The following ZFAND3 variants were observed in gnomAD, a reference collection of about 807,000 sequenced individuals.
ZFAND3 encodes the protein AN1-type zinc finger protein 3.
Under a neutral mutation model 29.6 loss-of-function variants are expected in ZFAND3, and 10 were observed. The observed-to-expected ratio is 0.34, with a 90% CI of 0.21 to 0.57. The LOEUF is 0.57. Ranked by LOEUF, ZFAND3 falls within the 20% of genes least tolerant of loss-of-function variation. ZFAND3 has a pLI of 0.86. For missense variants in ZFAND3, 230 were observed against 304.5 expected (o/e 0.76, Z 1.82); for synonymous variants, 128 against 112.6 (o/e 1.14, Z -0.87).
intron 1 of ZFAND3, among the ~76,000 whole-genome samples, chr6:37,842,168 C>A (rs1214744783): frequency 2.0e-5 from 3 of 152,200 alleles, no homozygotes; most frequent in Middle Eastern, 6.8e-3. Flanking sequence ...ATTCGGTATT[C>A]GGTTCCAACA....
At chr6:38,070,963 A>T (rs1002151578) in intron 3 of ZFAND3, among the ~76,000 whole-genome samples, 1 of 151,746 alleles carries the variant, frequency 6.6e-6, no homozygotes, top group Non-Finnish European at 1.5e-5. Context: ...TTATGTGTTT[A>T]TTAGCAATTT....
chr6:37,913,508 T>C (rs1023431189), intron 1 of ZFAND3, among the ~76,000 whole-genome samples: 2 of 152,108 alleles, frequency 1.3e-5, no homozygotes, highest in Non-Finnish European at 2.9e-5. Flanking sequence ...TCTACAGTTA[T>C]TTCCTTCACT....
intron 2 of ZFAND3, among the ~76,000 whole-genome samples, chr6:38,046,943 G>T (rs1475589287): frequency 1.3e-5 from 2 of 151,912 alleles, no homozygotes; most frequent in African/African-American, 4.8e-5. Flanking sequence ...AGCCCACATT[G>T]TCTAGTAATC....
At chr6:38,116,441 C>G in intron 4 of ZFAND3, 131 bp from the exon 5 acceptor site, 1 of 1,050,410 alleles carries the variant, frequency 9.5e-7, no homozygotes, top group Non-Finnish European at 1.4e-6. Flanking sequence ...CAAGTCAGAA[C>G]TGGCTCTCAC....
intron 1 of ZFAND3, among the ~76,000 whole-genome samples, chr6:37,860,672 T>G (rs1213912452): frequency 6.7e-6 from 1 of 150,230 alleles, no homozygotes. Flanking sequence ...AGGTTTAGAT[T>G]TTAGTTAACA....
intron 2 of ZFAND3, among the ~76,000 whole-genome samples, chr6:37,971,831 GAAAA>G (rs5875604): frequency 8.5e-5 from 10 of 117,884 alleles, no homozygotes; most frequent in Non-Finnish European, 1.4e-4. Context: ...TGTACAAAAT[GAAAA>G]AAAAAAAAAA....
At chr6:37,993,803 G>A (rs1283246753) in intron 2 of ZFAND3, among the ~76,000 whole-genome samples, 1 of 151,804 alleles carries the variant, frequency 6.6e-6, no homozygotes, top group African/African-American at 2.4e-5. Context: ...GATCAAAATT[G>A]TCACGTGATA....
In ZFAND3 at chr6:38,090,980, A is replaced by C. The variant is rs1764856442; in HGVS notation, c.361+8523A>C. 3.3e-5 allele frequency among the ~76,000 whole-genome samples: 5 copies of C among 152,304 alleles called. No individual in the cohort carries two copies. The South Asian group carries it at 8.3e-4, about 25-fold the overall frequency. On this transcript the variant is annotated intron_variant, in intron 4 of 5. Transcript: ENST00000287218. ...ATAATGTGTCAGTTTGCTATACTTA[A>C]AGTCAAAAACTTGTATCCAAGGCCT...
chr6:37,934,103 G>T (rs1761649724), intron 2 of ZFAND3, among the ~76,000 whole-genome samples: 2 of 151,626 alleles, frequency 1.3e-5, no homozygotes, highest in African/African-American at 4.8e-5. Flanking sequence ...GGTCACAGTG[G>T]CCTTGAACTC....
At chr6:38,120,521 T>C (rs1581935098) in intron 5 of ZFAND3, among the ~76,000 whole-genome samples, 1 of 151,878 alleles carries the variant, frequency 6.6e-6, no homozygotes, top group East Asian at 1.9e-4. Context: ...AGACAGGGAT[T>C]CATCATGTTG....
intron 2 of ZFAND3, among the ~76,000 whole-genome samples, chr6:37,992,655 T>C (rs1762778879): frequency 6.6e-6 from 1 of 152,156 alleles, no homozygotes; most frequent in Non-Finnish European, 1.5e-5. Flanking sequence ...AAGAAAAATA[T>C]CAATAATTCC....
intron 4 of ZFAND3, among the ~76,000 whole-genome samples, chr6:38,098,284 C>G (rs946801774): frequency 2.0e-5 from 3 of 152,100 alleles, no homozygotes; most frequent in Non-Finnish European, 4.4e-5. Flanking sequence ...GTAGCTGGAA[C>G]TACAGGTGCA....
intron 2 of ZFAND3, among the ~76,000 whole-genome samples, chr6:37,935,392 G>T (rs1156580829): frequency 6.6e-6 from 1 of 151,904 alleles, no homozygotes; most frequent in Non-Finnish European, 1.5e-5. Flanking sequence ...TTTTATATAT[G>T]ATTTTACTTA....
intron 1 of ZFAND3, among the ~76,000 whole-genome samples, chr6:37,899,571 T>C (rs916817650): frequency 1.3e-5 from 2 of 152,214 alleles, no homozygotes; most frequent in Non-Finnish European, 2.9e-5. Context: ...ATATTTGTAT[T>C]TAAATTGTAG....
chr6:37,921,911 A>G (rs1292928621), intron 1 of ZFAND3, among the ~76,000 whole-genome samples: 1 of 151,450 alleles, frequency 6.6e-6, no homozygotes, highest in Non-Finnish European at 1.5e-5. Context: ...AACCCACACA[A>G]AAATTAGCTG....
chr6:37,995,575 T>C (rs1234495383), intron 2 of ZFAND3, among the ~76,000 whole-genome samples: 1 of 152,228 alleles, frequency 6.6e-6, no homozygotes, highest in Non-Finnish European at 1.5e-5. Context: ...AAAAAATGTT[T>C]AAGAATTCAA....
intron 1 of ZFAND3, among the ~76,000 whole-genome samples, chr6:37,843,917 ATTG>A (rs1458476341): frequency 6.7e-6 from 1 of 150,072 alleles, no homozygotes; most frequent in African/African-American, 2.5e-5. Context: ...TTTTTTTTCT[ATTG>A]TTTTCTTTTT....
intron 4 of ZFAND3, among the ~76,000 whole-genome samples, chr6:38,097,118 T>G (rs566612198): frequency 4.7e-4 from 72 of 152,222 alleles, no homozygotes; most frequent in East Asian, 1.3e-3. Context: ...TCTATTCACC[T>G]AGTCTGGAGT....
chr6:38,079,457 A>G (rs1158139641), intron 3 of ZFAND3, among the ~76,000 whole-genome samples: 2 of 152,162 alleles, frequency 1.3e-5, no homozygotes, highest in African/African-American at 4.8e-5. Flanking sequence ...ATTCACTAGA[A>G]ATTTTTAAAA....
Sources: allele counts gnomAD v4.1 joint callset (sites outside exome capture counted in the v4.1 genomes callset), GRCh38; gene constraint gnomAD v4.1.1; transcripts MANE v1.5; gene names NCBI Gene and HGNC (gene_info 2026-07-23, HGNC 2026-07-21).